Variants in DIAPH2 observed in about 807,000 individuals in gnomAD.
DIAPH2 encodes diaphanous related formin 2, also known as protein diaphanous homolog 2.
In DIAPH2, 35 loss-of-function variants were observed where a neutral mutation model predicts 92.7. The ratio of observed to expected loss-of-function variants is 0.38; its 90% CI spans 0.29 to 0.50. The LOEUF is 0.50. Among genes scored for constraint, DIAPH2 ranks in the 20% least tolerant of loss-of-function variants. DIAPH2 has a pLI of 0.94. For missense variants in DIAPH2, 701 were observed against 819.5 expected (o/e 0.86, Z 1.77); for synonymous variants, 301 against 280.4 (o/e 1.07, Z -0.73).
At chrX:96,939,688 G>A (rs1454225603) in intron 12 of DIAPH2, among the ~76,000 whole-genome samples, 2 of 32,540 alleles carry the variant, frequency 6.1e-5, no homozygotes, top group East Asian at 6.3e-4. Context: ...TTTTTGAGAC[G>A]GAGTTTCGCT....
intron 17 of DIAPH2, among the ~76,000 whole-genome samples, chrX:97,021,936 C>T (rs192675100): frequency 9.0e-6 from 1 of 111,633 alleles, no homozygotes; most frequent in African/African-American, 3.3e-5. Context: ...AATAGATCAT[C>T]GTGCCTATAA....
chrX:96,930,192 A>G (rs1051983678), intron 9 of DIAPH2, among the ~76,000 whole-genome samples: 3 of 111,024 alleles, frequency 2.7e-5, no homozygotes, highest in African/African-American at 6.5e-5. Flanking sequence ...AAATTAATTC[A>G]TCTTAATTAT....
chrX:96,852,622 G>C (rs1287931516), intron 4 of DIAPH2, among the ~76,000 whole-genome samples: 1 of 111,526 alleles, frequency 9.0e-6, no homozygotes, highest in East Asian at 2.8e-4. Context: ...CTTAGGGCTA[G>C]AGTGAGGGAG....
chrX:96,934,912 T>C (rs1315877415), intron 10 of DIAPH2, among the ~76,000 whole-genome samples: 2 of 111,795 alleles, frequency 1.8e-5, no homozygotes, highest in African/African-American at 6.5e-5. Context: ...GTGGGCATAC[T>C]TTTATCTCTT....
intron 26 of DIAPH2, among the ~76,000 whole-genome samples, chrX:97,466,995 C>T (rs1320416629): frequency 8.9e-6 from 1 of 112,053 alleles, no homozygotes; most frequent in Admixed American, 9.5e-5. Flanking sequence ...CTGTGGATTA[C>T]AATATCTTCA....
At chrX:97,401,191 A>T (rs1481734557) in intron 25 of DIAPH2, among the ~76,000 whole-genome samples, 1 of 109,804 alleles carries the variant, frequency 9.1e-6, no homozygotes, top group Non-Finnish European at 1.9e-5. Context: ...GCCTTGTCCC[A>T]CCCCTCCCCC....
chrX:97,156,194 T>C (rs1197606648), intron 22 of DIAPH2, among the ~76,000 whole-genome samples: 1 of 112,034 alleles, frequency 8.9e-6, no homozygotes, highest in Non-Finnish European at 1.9e-5. Flanking sequence ...GAAATTTCAG[T>C]ATGCACCTTA....
chrX:97,186,057 G>A (rs983717964), intron 22 of DIAPH2, among the ~76,000 whole-genome samples: 7 of 109,398 alleles, frequency 6.4e-5, no homozygotes, highest in East Asian at 2.9e-4. Flanking sequence ...CCCAAATCCC[G>A]GACCTATATA....
intron 24 of DIAPH2, among the ~76,000 whole-genome samples, chrX:97,374,851 T>C (rs2069484088): frequency 8.9e-6 from 1 of 112,101 alleles, no homozygotes; most frequent in Non-Finnish European, 1.9e-5. Flanking sequence ...CACCATCTTA[T>C]GTAGGTTTTT....
Position 97,311,651 on chromosome X carries a change from G to C in DIAPH2, c.2845-36465G>C, listed in dbSNP as rs368974025. ...GATGCCAGCTGATCCATCAAGTGCA[G>C]GGTCTGCACAATTTCTCAAGCACTG... is the stretch of plus-strand genomic sequence containing the variant. On this transcript the variant is annotated intron_variant, in intron 23 of 26. Transcript: ENST00000324765. 2.7e-5 allele frequency among the ~76,000 whole-genome samples: 3 copies of C among 111,120 alleles called. No individual in the cohort carries two copies. The South Asian group carries it at 1.2e-3, about 43-fold the overall frequency.
chrX:97,100,523 A>C (rs969146490), intron 20 of DIAPH2, among the ~76,000 whole-genome samples: 1 of 111,869 alleles, frequency 8.9e-6, no homozygotes, highest in Non-Finnish European at 1.9e-5. Flanking sequence ...ATGGCAGGAA[A>C]GAGGGCATTA....
intron 17 of DIAPH2, among the ~76,000 whole-genome samples, chrX:97,010,102 T>C (rs2066213919): frequency 8.9e-6 from 1 of 112,178 alleles, no homozygotes; most frequent in Non-Finnish European, 1.9e-5. Context: ...AGGTTTGCAG[T>C]GAATCAGGTA....
intron 26 of DIAPH2, among the ~76,000 whole-genome samples, chrX:97,451,372 T>C (rs759827440): frequency 2.7e-5 from 3 of 111,304 alleles, no homozygotes; most frequent in African/African-American, 9.8e-5. Context: ...TGTGAGAAAA[T>C]GTGATATCCA....
chrX:96,844,066 A>G (rs914874126), intron 4 of DIAPH2, among the ~76,000 whole-genome samples: 1 of 112,302 alleles, frequency 8.9e-6, no homozygotes, highest in Non-Finnish European at 1.9e-5. Context: ...TGCTTAAATT[A>G]CAAAGTAAAT....
intron 16 of DIAPH2, among the ~76,000 whole-genome samples, chrX:96,962,425 A>C: frequency 1.3e-5 from 1 of 77,875 alleles, no homozygotes; most frequent in Non-Finnish European, 2.3e-5. Context: ...ATACACATAT[A>C]TATACATATA....
intron 21 of DIAPH2, among the ~76,000 whole-genome samples, chrX:97,124,719 T>C (rs2067080017): frequency 8.9e-6 from 1 of 111,745 alleles, no homozygotes; most frequent in African/African-American, 3.3e-5. Context: ...ATTATTAATA[T>C]CGTGAAGCCT....
At chrX:96,793,585 T>C (rs1298277303) in intron 4 of DIAPH2, 11 of 372,253 alleles carry the variant, frequency 3.0e-5, no homozygotes. Context: ...AGGGCCCTTT[T>C]CCTGGCTTTC....
chrX:96,887,995 G>T (rs1291949659), intron 5 of DIAPH2, among the ~76,000 whole-genome samples: 1 of 110,010 alleles, frequency 9.1e-6, no homozygotes, highest in Non-Finnish European at 1.9e-5. Context: ...GTGTGTGTGT[G>T]TATGTGTATG....
At chrX:96,765,289 C>T (rs996989736) in intron 4 of DIAPH2, among the ~76,000 whole-genome samples, 14 of 106,777 alleles carry the variant, frequency 1.3e-4, no homozygotes, top group African/African-American at 4.2e-4. Flanking sequence ...CCTTGATCTC[C>T]CGGGCTCAAG....
Sources: allele counts gnomAD v4.1 joint callset (sites outside exome capture counted in the v4.1 genomes callset), GRCh38; gene constraint gnomAD v4.1.1; transcripts MANE v1.5; gene names NCBI Gene and HGNC (gene_info 2026-07-23, HGNC 2026-07-21).